The following UNC5C variants were observed in gnomAD, a reference collection of about 807,000 sequenced individuals.
UNC5C encodes the protein netrin receptor UNC5C.
Under a neutral mutation model 99.8 loss-of-function variants are expected in UNC5C, and 47 were observed. That is an observed-to-expected ratio of 0.47 (90% confidence interval 0.37 to 0.60). The LOEUF (loss-of-function observed/expected upper bound fraction) is 0.60. UNC5C is among the 20% of genes least tolerant of loss of function. The pLI, the probability that UNC5C is intolerant of heterozygous loss-of-function variation, is 0.00. For synonymous variants in UNC5C, 487 were observed against 452.2 expected (o/e 1.08, Z -0.98); for missense variants, 1,062 against 1,165.9 (o/e 0.91, Z 1.30).
At chr4:95,403,210 T>A (rs913284639) in intron 1 of UNC5C, among the ~76,000 whole-genome samples, 1 of 152,156 alleles carries the variant, frequency 6.6e-6, no homozygotes, top group African/African-American at 2.4e-5. Flanking sequence ...AGTAAGGCCA[T>A]GAAATAAGCC....
In UNC5C at chr4:95,299,080, C is replaced by T. The variant is rs1009291356; in HGVS notation, c.490+2526G>A. Among the ~76,000 whole-genome samples the T allele has an allele frequency of 3.4e-4, 51 of 152,098 alleles. 1 individual carries two copies. The highest frequency in any genetic ancestry group is 1.2e-3 in the African/African-American group (50 of 41,390). On this transcript the variant is annotated intron_variant, in intron 3 of 15. Transcript: ENST00000453304. ...ATTCCCCCAAATTCTGATGGGGAAG[C>T]CCTAACCCTCAGTTCCTCAGGATGT...
At chr4:95,373,978 G>A (rs1304074890) in intron 1 of UNC5C, among the ~76,000 whole-genome samples, 2 of 152,060 alleles carry the variant, frequency 1.3e-5, no homozygotes, top group Non-Finnish European at 2.9e-5. Flanking sequence ...ATCTTTTCCT[G>A]CATTTGAAGA....
intron 1 of UNC5C, among the ~76,000 whole-genome samples, chr4:95,511,180 T>A (rs1024260814): frequency 1.3e-5 from 2 of 152,128 alleles, no homozygotes; most frequent in African/African-American, 4.8e-5. Flanking sequence ...CCTTGTCAAA[T>A]TAGCAGAAGC....
At chr4:95,216,605 A>G (rs570379698) in intron 9 of UNC5C, among the ~76,000 whole-genome samples, 1 of 152,318 alleles carries the variant, frequency 6.6e-6, no homozygotes, top group South Asian at 2.1e-4. Context: ...CAACATAAAA[A>G]AAAAAACAAC....
At chr4:95,194,388 T>TA (rs1295413512) in intron 12 of UNC5C, among the ~76,000 whole-genome samples, 1 of 152,138 alleles carries the variant, frequency 6.6e-6, no homozygotes, top group Non-Finnish European at 1.5e-5. Flanking sequence ...CATAGTGACT[T>TA]AAAAAATAAC....
chr4:95,509,511 A>C (rs1722010813), intron 1 of UNC5C, among the ~76,000 whole-genome samples: 1 of 151,860 alleles, frequency 6.6e-6, no homozygotes, highest in Non-Finnish European at 1.5e-5. Flanking sequence ...TTTAATAAAA[A>C]ATCTGAAGCT....
chr4:95,420,713 T>C (rs1027931864), intron 1 of UNC5C, among the ~76,000 whole-genome samples: 5 of 152,234 alleles, frequency 3.3e-5, no homozygotes, highest in Admixed American at 1.3e-4. Context: ...ACAGGGGGCA[T>C]CTGTGGCTGA....
At chr4:95,483,811 G>T (rs887158644) in intron 1 of UNC5C, among the ~76,000 whole-genome samples, 1 of 151,734 alleles carries the variant, frequency 6.6e-6, no homozygotes, top group Non-Finnish European at 1.5e-5. Context: ...TTTTGTGATG[G>T]CCTCAAGAAA....
intron 12 of UNC5C, among the ~76,000 whole-genome samples, chr4:95,189,081 C>T (rs144307053): frequency 1.8e-3 from 277 of 152,278 alleles, no homozygotes; most frequent in African/African-American, 6.5e-3. Flanking sequence ...GAAAGAAATG[C>T]TATAGTAAGG....
At chr4:95,269,330 C>G in intron 4 of UNC5C, among the ~76,000 whole-genome samples, 1 of 152,102 alleles carries the variant, frequency 6.6e-6, no homozygotes, top group East Asian at 1.9e-4. Context: ...GCTCTGTTAC[C>G]CCAGCTGGAG....
intron 12 of UNC5C, among the ~76,000 whole-genome samples, chr4:95,189,288 T>C (rs1171605280): frequency 6.6e-6 from 1 of 152,198 alleles, no homozygotes; most frequent in African/African-American, 2.4e-5. Context: ...AGTTCTTTTA[T>C]TCAAAATATT....
intron 4 of UNC5C, among the ~76,000 whole-genome samples, chr4:95,264,752 A>G (rs1193496015): frequency 6.6e-6 from 1 of 152,096 alleles, no homozygotes; most frequent in Non-Finnish European, 1.5e-5. Flanking sequence ...TTCACTTTCA[A>G]AGGTGATCAG....
At chr4:95,477,833 T>C (rs1362173095) in intron 1 of UNC5C, among the ~76,000 whole-genome samples, 2 of 151,986 alleles carry the variant, frequency 1.3e-5, no homozygotes, top group African/African-American at 2.4e-5. Flanking sequence ...CACATACCTA[T>C]ACTTAAGAGG....
chr4:95,485,423 C>T lies in UNC5C; in HGVS notation c.124+63311G>A, dbSNP rs77417179. Among the ~76,000 whole-genome samples, 165 of 151,854 alleles carry T rather than the reference C, an allele frequency of 1.1e-3. 1 individual carries two copies. The East Asian group carries it at 0.022, about 20-fold the overall frequency. The stretch of plus-strand genomic sequence containing the variant: ...GATCTGTAAGAACTTGTTGTAGGCA[C>T]TTGAATCATCATCAAAGGAAGAAAT... On this transcript the variant is annotated intron_variant, in intron 1 of 15. Coordinates refer to ENST00000453304, the MANE Select transcript of UNC5C (RefSeq NM_003728.4).
chr4:95,425,836 A>G (rs945410057), intron 1 of UNC5C, among the ~76,000 whole-genome samples: 3 of 152,244 alleles, frequency 2.0e-5, no homozygotes, highest in Non-Finnish European at 2.9e-5. Flanking sequence ...ACATTTATTC[A>G]TACCATTAAG....
At chr4:95,354,479 A>ATATATATATATATATATTTT in intron 1 of UNC5C, among the ~76,000 whole-genome samples, 53 of 110,328 alleles carry the variant, frequency 4.8e-4, no homozygotes, top group African/African-American at 9.7e-4. Flanking sequence ...ATATATATAT[A>ATATATATATATATATATTTT]TTTTTTTTTT....
At chr4:95,340,125 C>T (rs1301395323) in intron 1 of UNC5C, among the ~76,000 whole-genome samples, 1 of 151,992 alleles carries the variant, frequency 6.6e-6, no homozygotes, top group African/African-American at 2.4e-5. Flanking sequence ...TTCATTCCAC[C>T]TAATTCTTCA....
chr4:95,409,844 G>A (rs1224934365), intron 1 of UNC5C, among the ~76,000 whole-genome samples: 1 of 152,160 alleles, frequency 6.6e-6, no homozygotes, highest in Non-Finnish European at 1.5e-5. Flanking sequence ...TGTCACAAGA[G>A]GCTAATGTCT....
intron 4 of UNC5C, among the ~76,000 whole-genome samples, chr4:95,264,292 A>G (rs1272273049): frequency 6.6e-6 from 1 of 152,208 alleles, no homozygotes; most frequent in African/African-American, 2.4e-5. Flanking sequence ...GAAGGTTTAC[A>G]TGCCACTCTG....
Sources: allele counts gnomAD v4.1 joint callset (sites outside exome capture counted in the v4.1 genomes callset), GRCh38; gene constraint gnomAD v4.1.1; transcripts MANE v1.5; gene names NCBI Gene and HGNC (gene_info 2026-07-23, HGNC 2026-07-21).